The following MITF variants were observed in gnomAD, a reference collection of about 807,000 sequenced individuals.
MITF encodes melanocyte inducing transcription factor.
MITF carries 17 observed loss-of-function variants against 60.5 expected under a neutral mutation model. The observed-to-expected ratio is 0.28, with a 90% CI of 0.19 to 0.42. The LOEUF is 0.42. Among genes scored for constraint, MITF ranks in the 10% least tolerant of loss-of-function variants. MITF has a pLI of 1.00. For missense variants in MITF, 622 were observed against 683.5 expected (o/e 0.91, Z 1.00); for synonymous variants, 260 against 248.5 (o/e 1.05, Z -0.43).
At chr3:69,859,228 G>A (rs532701508) in intron 1 of MITF, among the ~76,000 whole-genome samples, 2 of 152,198 alleles carry the variant, frequency 1.3e-5, no homozygotes, top group South Asian at 4.2e-4. Context: ...GCTTCCCACA[G>A]GTTGAAACCA....
At chr3:69,780,356 T>C (rs1049626373) in intron 1 of MITF, among the ~76,000 whole-genome samples, 1 of 152,222 alleles carries the variant, frequency 6.6e-6, no homozygotes, top group Non-Finnish European at 1.5e-5. Flanking sequence ...AAATGTTACC[T>C]AATATAAAAT....
intron 1 of MITF, among the ~76,000 whole-genome samples, chr3:69,822,491 G>T (rs948919350): frequency 6.6e-6 from 1 of 152,122 alleles, no homozygotes; most frequent in South Asian, 2.1e-4. Flanking sequence ...GAAATGAAGT[G>T]TAAAAAGTCA....
At chr3:69,782,074 A>G (rs1025338530) in intron 1 of MITF, among the ~76,000 whole-genome samples, 2 of 152,224 alleles carry the variant, frequency 1.3e-5, no homozygotes, top group Non-Finnish European at 2.9e-5. Context: ...ACAACTGCAG[A>G]GAGCATGCTC....
At chr3:69,880,380 T>G (rs1022720739) in intron 2 of MITF, among the ~76,000 whole-genome samples, 1 of 152,136 alleles carries the variant, frequency 6.6e-6, no homozygotes, top group African/African-American at 2.4e-5. Context: ...GGAAAGAGAT[T>G]CTTTAAAAAA....
chr3:69,843,545 C>T (rs1012751174), intron 1 of MITF, among the ~76,000 whole-genome samples: 5 of 152,110 alleles, frequency 3.3e-5, no homozygotes, highest in African/African-American at 1.2e-4. Context: ...TATGGGGTGT[C>T]TGTCTTGTGG....
intron 1 of MITF, among the ~76,000 whole-genome samples, chr3:69,863,778 T>C (rs1285729928): frequency 6.6e-6 from 1 of 152,160 alleles, no homozygotes; most frequent in African/African-American, 2.4e-5. Flanking sequence ...CCTGGGCTGG[T>C]CTTGAACTCC....
At chr3:69,819,488 C>T (rs2063232266) in intron 1 of MITF, among the ~76,000 whole-genome samples, 1 of 152,200 alleles carries the variant, frequency 6.6e-6, no homozygotes, top group Admixed American at 6.5e-5. Flanking sequence ...CGAAGTGTGG[C>T]TGTGCCAGAG....
Position 69,739,468 on chromosome 3 carries a change from G to GT in MITF, c.-130_-129insT. 2.7e-6 allele frequency: 2 copies of GT among 740,182 alleles called. No individual in the cohort carries two copies. The highest frequency in any genetic ancestry group is 4.2e-6 in the Non-Finnish European group (2 of 480,568). The allele number at this position is 740,182 out of a possible 1,614,324, so 45.9% of individuals were successfully genotyped here. On this transcript the variant is annotated 5_prime_UTR_variant, in exon 1 of 10. Coordinates refer to ENST00000352241, the MANE Select transcript of MITF (RefSeq NM_001354604.2). ...CCCGCGCTGGGGCGGGCGGCCGCGA[G>GT]CCGGCGAGCGGGCAGAGCTCGGCAC...
intron 2 of MITF, among the ~76,000 whole-genome samples, chr3:69,883,626 C>T (rs909981502): frequency 5.9e-5 from 9 of 152,068 alleles, no homozygotes; most frequent in Admixed American, 3.9e-4. Flanking sequence ...ACAACCTACC[C>T]TTAGATTTTG....
intron 1 of MITF, among the ~76,000 whole-genome samples, chr3:69,854,966 G>T (rs1447150928): frequency 3.3e-5 from 5 of 152,128 alleles, no homozygotes; most frequent in Admixed American, 3.3e-4. Flanking sequence ...GTACTTCCCT[G>T]CTGCCCCATC....
At chr3:69,845,605 C>T (rs982207646) in intron 1 of MITF, among the ~76,000 whole-genome samples, 2 of 152,062 alleles carry the variant, frequency 1.3e-5, no homozygotes, top group Non-Finnish European at 2.9e-5. Context: ...TCCATATCTC[C>T]TTGAGAAATA....
At chr3:69,931,584 C>T (rs1041154663) in intron 2 of MITF, among the ~76,000 whole-genome samples, 2 of 152,098 alleles carry the variant, frequency 1.3e-5, no homozygotes, top group Non-Finnish European at 1.5e-5. Flanking sequence ...CAGAAAAGTA[C>T]ATTTGTTATC....
In MITF at chr3:69,950,395, A is replaced by G. The variant is rs2066212650; in HGVS notation, c.880+1227A>G. Among the ~76,000 whole-genome samples, 4 of 151,016 alleles carry G rather than the reference A, an allele frequency of 2.6e-5. No homozygotes were observed. The South Asian group carries it at 6.3e-4, about 24-fold the overall frequency. ...CATGCTTCTGTGTGAGGAAAAAAAA[A>G]CTAGAAAATGATTTGAACTGACCAT... On this transcript the variant is annotated intron_variant, in intron 6 of 9. Transcript: ENST00000352241.
At chr3:69,924,029 T>C (rs1218390869) in intron 2 of MITF, among the ~76,000 whole-genome samples, 2 of 152,202 alleles carry the variant, frequency 1.3e-5, no homozygotes, top group Non-Finnish European at 2.9e-5. Flanking sequence ...ATGTAGATCA[T>C]TGGCCAATTT....
intron 1 of MITF, among the ~76,000 whole-genome samples, chr3:69,754,208 GTC>G (rs999834124): frequency 8.6e-5 from 13 of 151,314 alleles, no homozygotes; most frequent in African/African-American, 3.2e-4. Context: ...ACCCCTGTTA[GTC>G]TCTCTCTCTC....
intron 1 of MITF, among the ~76,000 whole-genome samples, chr3:69,769,207 TA>T (rs1291820103): frequency 6.6e-6 from 1 of 152,116 alleles, no homozygotes; most frequent in Non-Finnish European, 1.5e-5. Flanking sequence ...AAAATAATAA[TA>T]ACAGTAATAA....
At position 69,937,970 on chromosome 3, in the gene MITF, T is replaced by C. The variant is rs1481909269; in HGVS notation, c.503T>C (p.Val168Ala). The change falls in exon 3 of 10, where the codon GTC becomes GCC. Residue 168 changes from valine to alanine, a missense_variant. Physicochemically the swap from Val to Ala is moderately conservative, Grantham distance 64. Transcript: ENST00000352241. ...TGTCCAAACCAGCCTGGCGATCATG[T>C]CATGCCACCGGTGCCGGGGAGCAGC... ...LPCPNQPGDH[V>A]MPPVPGSSAP... The C allele has an allele frequency of 6.2e-7, 1 of 1,614,060 alleles. No individual in the cohort carries two copies.
At chr3:69,899,587 G>A (rs772870629) in intron 2 of MITF, among the ~76,000 whole-genome samples, 1 of 152,118 alleles carries the variant, frequency 6.6e-6, no homozygotes, top group Admixed American at 6.5e-5. Context: ...ATCTCAGGGG[G>A]TTATCATTCC....
chr3:69,866,101 A>G (rs2064109526), intron 1 of MITF: 3 of 1,073,714 alleles, frequency 2.8e-6, no homozygotes, highest in Non-Finnish European at 3.7e-6. Context: ...CTGCAGGTAC[A>G]GTAGGTACTG....
Sources: gnomAD v4.1 joint callset for allele counts (sites outside exome capture counted in the v4.1 genomes callset) on GRCh38, gnomAD v4.1.1 for gene constraint, MANE v1.5 for transcripts, NCBI Gene and HGNC (gene_info 2026-07-23, HGNC 2026-07-21) for gene names.